ARHGAP6: variants seen among roughly 807,000 people sequenced by gnomAD.
ARHGAP6 encodes the protein Rho GTPase activating protein 6, also known as rho GTPase-activating protein 6.
ARHGAP6 carries 16 observed loss-of-function variants against 55.7 expected under a neutral mutation model. The ratio of observed to expected loss-of-function variants is 0.29; its 90% confidence interval spans 0.19 to 0.44. ARHGAP6 has a LOEUF of 0.44. Ranked by LOEUF, ARHGAP6 falls within the 20% of genes least tolerant of loss-of-function variation. The pLI is 1.00. For missense variants in ARHGAP6, 698 were observed against 808.9 expected, an observed-to-expected ratio of 0.86 and a Z score of 1.66; for synonymous variants, 382 against 360.9, an observed-to-expected ratio of 1.06 and a Z score of -0.66.
chrX:11,174,537 C>T (rs2046143471), intron 8 of ARHGAP6, among the ~76,000 whole-genome samples: 2 of 70,035 alleles, frequency 2.9e-5, no homozygotes, highest in South Asian at 2.0e-3. Context: ...TTCCTTCCTT[C>T]CTTCCTTCCT....
At chrX:11,206,264 A>G (rs1394264826) in intron 2 of ARHGAP6, among the ~76,000 whole-genome samples, 1 of 106,179 alleles carries the variant, frequency 9.4e-6, no homozygotes, top group African/African-American at 3.4e-5. Flanking sequence ...ATAACCTTAT[A>G]TTCAATAAAT....
At chrX:11,431,632 C>T (rs2049941647) in intron 1 of ARHGAP6, among the ~76,000 whole-genome samples, 2 of 111,814 alleles carry the variant, frequency 1.8e-5, no homozygotes, top group South Asian at 3.8e-4. Context: ...AATCCCCTCC[C>T]CCAAACCCAG....
At chrX:11,508,280 C>T (rs1483754774) in intron 1 of ARHGAP6, among the ~76,000 whole-genome samples, 1 of 111,180 alleles carries the variant, frequency 9.0e-6, no homozygotes, top group East Asian at 2.8e-4. Context: ...CCTCAGCCTC[C>T]CAAGTAGCTG....
intron 8 of ARHGAP6, among the ~76,000 whole-genome samples, chrX:11,174,633 T>TTTCTG (rs1569241531): frequency 4.0e-4 from 21 of 52,201 alleles, no homozygotes; most frequent in African/African-American, 1.9e-3. Context: ...TTTTCTTTCT[T>TTTCTG]TCTTTCTTTC....
Position 11,343,854 on chromosome X carries a change from TG to T in ARHGAP6, c.589-89148del, listed in dbSNP as rs775252691. On this transcript the variant is annotated intron_variant, in intron 1 of 12. Coordinates refer to ENST00000337414, the MANE Select transcript of ARHGAP6 (RefSeq NM_013427.3). ...TTCTTTTTGATGGTGTGTTGTTTTT[TG>T]TGTGTTTGCTTGCTTGTTTTGTATT... 5.3e-4 allele frequency among the ~76,000 whole-genome samples: 59 copies of T among 112,091 alleles called. No individual in the cohort carries two copies. The East Asian group carries it at 0.016, about 30-fold the overall frequency.
intron 1 of ARHGAP6, among the ~76,000 whole-genome samples, chrX:11,648,919 T>C (rs753958944): frequency 1.8e-5 from 2 of 112,081 alleles, no homozygotes; most frequent in African/African-American, 3.2e-5. Context: ...GATTCATCTC[T>C]AGTGCACACC....
chrX:11,521,061 C>G, intron 1 of ARHGAP6, among the ~76,000 whole-genome samples: 1 of 111,655 alleles, frequency 9.0e-6, no homozygotes, highest in Non-Finnish European at 1.9e-5. Flanking sequence ...GATATTAGCC[C>G]TTTGTCAGAT....
chrX:11,560,068 T>A (rs1288125119), intron 1 of ARHGAP6, among the ~76,000 whole-genome samples: 2 of 110,213 alleles, frequency 1.8e-5, no homozygotes, highest in Non-Finnish European at 3.8e-5. Flanking sequence ...GCTAAAAAAA[T>A]AATAATAGAT....
At chrX:11,325,002 G>T (rs758323776) in intron 1 of ARHGAP6, among the ~76,000 whole-genome samples, 55 of 111,099 alleles carry the variant, frequency 5.0e-4, no homozygotes, top group Admixed American at 3.6e-3. Flanking sequence ...GGGACTACAG[G>T]CGCCCGCCAC....
chrX:11,164,800 C>A lies in ARHGAP6; in HGVS notation c.1809+4705G>T, dbSNP rs971570480. 5.3e-5 allele frequency among the ~76,000 whole-genome samples: 6 copies of A among 112,316 alleles called. No homozygotes were observed. In the East Asian group the frequency reaches 1.1e-3, roughly 21 times the overall value. ...CCTAGTAAGAATCGTTTAATATCAG[C>A]CCTTAGAAGAAGCTGACAGTTTTCT... On this transcript the variant is annotated intron_variant, in intron 9 of 12. Transcript: ENST00000337414.
intron 2 of ARHGAP6, chrX:11,225,681 G>A (rs1410732138): frequency 1.5e-6 from 1 of 646,627 alleles, no homozygotes; most frequent in African/African-American, 2.3e-5. Context: ...AATATTTCAA[G>A]AGCAACAAAA....
At chrX:11,301,250 G>A (rs1000530069) in intron 1 of ARHGAP6, among the ~76,000 whole-genome samples, 32 of 111,985 alleles carry the variant, frequency 2.9e-4, no homozygotes, top group Admixed American at 8.5e-4. Context: ...AGTTATTCAA[G>A]TAATTTGTTT....
chrX:11,155,701 A>C (rs1253662587), intron 10 of ARHGAP6, among the ~76,000 whole-genome samples: 1 of 112,324 alleles, frequency 8.9e-6, no homozygotes, highest in Non-Finnish European at 1.9e-5. Context: ...GTATAACAAA[A>C]GTGATAATTT....
chrX:11,410,871 T>C (rs1403471206), intron 1 of ARHGAP6, among the ~76,000 whole-genome samples: 2 of 108,683 alleles, frequency 1.8e-5, no homozygotes, highest in Non-Finnish European at 3.8e-5. Context: ...AAGAGAATTA[T>C]AAATACAAGT....
At chrX:11,662,035 C>T (rs760779918) in intron 1 of ARHGAP6, among the ~76,000 whole-genome samples, 23 of 111,930 alleles carry the variant, frequency 2.1e-4, no homozygotes, top group Non-Finnish European at 3.4e-4. Flanking sequence ...AACCCTGAGC[C>T]AGAGCAACCA....
chrX:11,219,067 G>C, intron 2 of ARHGAP6, among the ~76,000 whole-genome samples: 1 of 75,028 alleles, frequency 1.3e-5, no homozygotes, highest in African/African-American at 5.5e-5. Flanking sequence ...TCCCCAGAGT[G>C]TGATATTCCC....
intron 1 of ARHGAP6, among the ~76,000 whole-genome samples, chrX:11,397,198 C>G (rs371859253): frequency 9.0e-6 from 1 of 111,664 alleles, no homozygotes; most frequent in East Asian, 2.8e-4. Flanking sequence ...TACAAGGCAT[C>G]CTTACTATCT....
intron 9 of ARHGAP6, among the ~76,000 whole-genome samples, chrX:11,164,214 C>CCTCTT (rs2045986483): frequency 8.9e-6 from 1 of 112,379 alleles, no homozygotes. Context: ...CATCAAAATG[C>CCTCTT]CTCTTCTTTT....
chrX:11,449,362 G>A (rs1170042015), intron 1 of ARHGAP6, among the ~76,000 whole-genome samples: 4 of 112,145 alleles, frequency 3.6e-5, no homozygotes, highest in Non-Finnish European at 7.5e-5. Context: ...ACAGAAATCT[G>A]ACATCCAGGC....
Sources: allele counts gnomAD v4.1 joint callset (sites outside exome capture counted in the v4.1 genomes callset), GRCh38; gene constraint gnomAD v4.1.1; transcripts MANE v1.5; gene names NCBI Gene and HGNC (gene_info 2026-07-23, HGNC 2026-07-21).